Variants in HIRIP3 observed in about 807,000 individuals in gnomAD.
The protein encoded by HIRIP3 is HIRA interacting protein 3.
HIRIP3 carries 40 observed loss-of-function variants against 50.3 expected under a neutral mutation model. That is an observed-to-expected ratio of 0.79 (90% CI 0.62 to 1.03). The LOEUF (loss-of-function observed/expected upper bound fraction) is 1.03. Ranked by LOEUF, HIRIP3 falls within the 50% of genes least tolerant of loss-of-function variation. The probability of loss-of-function intolerance (pLI) is 0.00; values close to 1 mark genes in which losing one functional copy is unlikely to be tolerated. For synonymous variants in HIRIP3, 318 were observed against 261.6 expected (o/e 1.22, Z -2.08); for missense variants, 765 against 705.4 (o/e 1.08, Z -0.96).
At chr16:29,994,951 G>C in intron 3 of HIRIP3, 108 bp from the exon 4 acceptor site, 5 of 1,488,676 alleles carry the variant, frequency 3.4e-6, no homozygotes, top group Non-Finnish European at 4.5e-6. Context: ...AGGGGCAGCA[G>C]GAAACAGCTA....
chr16:29,995,360 C>A lies in HIRIP3; in HGVS notation c.169G>T (p.Glu57Ter). Residue 57 changes from glutamate (E) to a stop codon, truncating the protein, a stop_gained, in exon 2 of 7, where the codon GAG (glutamate) becomes TAG (stop). Transcript: ENST00000279392. LOFTEE classifies it high-confidence loss of function. ...KQALKRLVEE[E>*]LLKMQVDEAA... is the part of the protein sequence containing the mutation. ...CGGCACACCTGCATCTTCAGCAGCT[C>A]CTCCTCCACCAGCCGCTTCAGTGCC... 6.2e-7 allele frequency: 1 copy of A among 1,611,888 alleles called. No homozygotes were observed. The highest frequency in any genetic ancestry group is 8.5e-7 in the Non-Finnish European group (1 of 1,179,212).
rs1339797964 is a variant in HIRIP3 at position 29,994,482 on chromosome 16, C to T, written c.663G>A (p.Lys221=). ...CCTCTTCACTCTCCTGTTCACTTTC[C>T]TTCAGGCTTTTAGTTCCTTTATTTC... The part of the protein sequence containing the change: ...VEGNKGTKSL[K]ESEQESEEEI... Residue 221 remains lysine, a synonymous_variant, in exon 4 of 7, where the codon AAG becomes AAA. Coordinates refer to ENST00000279392, the MANE Select transcript of HIRIP3 (RefSeq NM_003609.5). 1 of 1,614,134 alleles carries T rather than the reference C, an allele frequency of 6.2e-7. No homozygotes were observed.
rs1431780119 is a variant in HIRIP3 at position 29,993,733 on chromosome 16, G to A, written c.1315C>T (p.His439Tyr). 1.2e-6 allele frequency: 2 copies of A among 1,609,166 alleles called. No individual in the cohort carries two copies. Among genetic ancestry groups the A allele is most frequent in the South Asian group, 1.1e-5 (1 of 91,084 alleles). Residue 439 changes from histidine to tyrosine, a missense_variant, in exon 5 of 7, where the codon CAT (histidine) becomes TAT (tyrosine). Physicochemically the swap from His to Tyr is moderately conservative, Grantham distance 83. Coordinates refer to ENST00000279392, the MANE Select transcript of HIRIP3 (RefSeq NM_003609.5). ...LKRYIRACGA[H>Y]RNYKKLLGSC... ...CCCAACAGCTTCTTGTAGTTTCGAT[G>A]GGCACCACAGGCCCGAATGTAGCGC...
In HIRIP3 at chr16:29,993,483, C is replaced by T. The variant is rs774022148; in HGVS notation, c.1483G>A (p.Val495Ile). The change falls in exon 6 of 7, where the codon GTT (valine) becomes ATT (isoleucine). Residue 495 changes from valine to isoleucine, a missense_variant. Transcript: ENST00000279392. ...CCCGAGCCACTGATGATGTTCGCAA[C>T]ATCCAAGGAGGCCACCTCAGCTGCC... Reference protein sequence around the residue: ...EEAAEVASLDVANIISGSGRP... With the variant: ...EEAAEVASLDIANIISGSGRP... 4.3e-6 allele frequency: 7 copies of T among 1,613,740 alleles called. No homozygotes were observed. Among genetic ancestry groups the T allele is most frequent in the South Asian group, 2.2e-5 (2 of 91,070 alleles).
rs747568307 is a variant in HIRIP3, at chr16:29,993,492, A to C, written c.1474T>G (p.Ser492Ala). 1 of 1,613,830 alleles carries C rather than the reference A, an allele frequency of 6.2e-7. No homozygotes were observed. Residue 492 changes from serine (S) to alanine (A), a missense_variant, in exon 6 of 7, where the codon TCC becomes GCC. Coordinates refer to ENST00000279392, the MANE Select transcript of HIRIP3 (RefSeq NM_003609.5). The stretch of plus-strand genomic sequence containing the variant: ...CTGATGATGTTCGCAACATCCAAGG[A>C]GGCCACCTCAGCTGCCTCCTCCCTC... Reference protein sequence around the residue: ...EQREEAAEVASLDVANIISGS... With the variant: ...EQREEAAEVAALDVANIISGS...
In HIRIP3 at chr16:29,993,089, G is replaced by T; in HGVS notation, c.*118C>A. ...GAGAAGTAGCATCCCAACAGCTTGT[G>T]TCCTTGGGAGCTGCAGTCTTCTCTG... On this transcript the variant is annotated 3_prime_UTR_variant, in exon 7 of 7. Transcript: ENST00000279392. 1.2e-6 allele frequency: 1 copy of T among 869,514 alleles called. No individual in the cohort carries two copies. Among genetic ancestry groups the T allele is most frequent in the Non-Finnish European group, 1.7e-6 (1 of 599,344 alleles). 53.9% of individuals were successfully genotyped at this position (869,514 alleles called of 1,614,324 possible).
At chr16:29,995,633 C>G, upstream of HIRIP3, 1 of 1,610,676 alleles carries the variant, frequency 6.2e-7, no homozygotes, top group Non-Finnish European at 8.5e-7. Flanking sequence ...TGACGGCTCC[C>G]GCCTTTTTTT....
chr16:29,995,615 C>A lies in HIRIP3; in HGVS notation c.-10G>T, dbSNP rs2070078680. ...CCTTCTCCCGCGCCATTTTGCTCAA[C>A]CCGGGATTGACGGCTCCCGCCTTTT... On this transcript the variant is annotated 5_prime_UTR_variant, in exon 1 of 7. Coordinates refer to ENST00000279392, the MANE Select transcript of HIRIP3 (RefSeq NM_003609.5). 6.2e-7 allele frequency: 1 copy of A among 1,612,092 alleles called. No homozygotes were observed. Among genetic ancestry groups the A allele is most frequent in the Non-Finnish European group, 8.5e-7 (1 of 1,179,962 alleles).
rs775777715 is a variant in HIRIP3, at chr16:29,993,323, G to A, written c.1555C>T (p.Pro519Ser). The A allele has an allele frequency of 5.6e-5, 86 of 1,540,296 alleles. No homozygotes were observed. The highest frequency in any genetic ancestry group is 7.3e-5 in the Non-Finnish European group (83 of 1,141,276). The change falls in exon 7 of 7, where the codon CCC becomes TCC. Residue 519 changes from proline to serine, a missense_variant. Pro to Ser is a moderately conservative substitution (Grantham distance 74, BLOSUM62 -1). Transcript: ENST00000279392. ...TAWNPLGEAA[P>S]PGELYRRTLD... ...GTCCGTCGGTACAGCTCCCCTGGGG[G>A]TGCTGCTTCTCCTAAAGGGTTCCAG...
upstream of HIRIP3, chr16:29,996,081 A>C: frequency 1.7e-6 from 1 of 601,496 alleles, no homozygotes; most frequent in Non-Finnish European, 3.0e-6. Flanking sequence ...TTGTGGCGTC[A>C]CCGCGTCGCT....
chr16:29,993,712 A>G lies in HIRIP3; in HGVS notation c.1336T>C (p.Leu446=), dbSNP rs1279020073. ...TCCTTGTGTGAGCAACAGGAGCCCA[A>G]CAGCTTCTTGTAGTTTCGATGGGCA... The part of the protein sequence containing the change: ...CGAHRNYKKL[L]GSCCSHKERL... Residue 446 remains leucine, a synonymous_variant, in exon 5 of 7, where the codon TTG becomes CTG. Transcript: ENST00000279392. 1.2e-6 allele frequency: 2 copies of G among 1,609,764 alleles called. No individual in the cohort carries two copies. Among genetic ancestry groups the G allele is most frequent in the South Asian group, 2.2e-5 (2 of 91,080 alleles).
chr16:29,995,597 C>G lies in HIRIP3; in HGVS notation c.9G>C (p.Arg3=), dbSNP rs747902326. Residue 3 remains arginine, a synonymous_variant, in exon 1 of 7, where the codon CGG becomes CGC. Coordinates refer to ENST00000279392, the MANE Select transcript of HIRIP3 (RefSeq NM_003609.5). MA[R]EKEMQEFTRS... is the part of the protein sequence containing the mutation. Reference sequence around the variant, plus strand: ...GGGTGAACTCCTGCATCTCCTTCTCCCGCGCCATTTTGCTCAACCCGGGAT... The same window carrying G: ...GGGTGAACTCCTGCATCTCCTTCTCGCGCGCCATTTTGCTCAACCCGGGAT... 6.2e-7 allele frequency: 1 copy of G among 1,612,284 alleles called. No homozygotes were observed. Among genetic ancestry groups the G allele is most frequent in the Non-Finnish European group, 8.5e-7 (1 of 1,180,016 alleles).
rs146278367 is a variant in HIRIP3, at chr16:29,993,282, T to C, written c.1596A>G (p.Glu532=). The change falls in exon 7 of 7, where the codon GAA becomes GAG. Residue 532 remains glutamate (E), a synonymous_variant. Coordinates refer to ENST00000279392, the MANE Select transcript of HIRIP3 (RefSeq NM_003609.5). The part of the protein sequence containing the change: ...ELYRRTLDSD[E]ERPRPAPPDW... The stretch of plus-strand genomic sequence containing the variant: ...CTGGGGGTGCGGGACGGGGCCGCTC[T>C]TCATCTGAGTCCAGGGTCCGTCGGT... The C allele has an allele frequency of 2.3e-5, 35 of 1,549,676 alleles. No homozygotes were observed. In the East Asian group the frequency reaches 7.5e-4, roughly 33 times the overall value.
rs1173962839 is a variant in HIRIP3, at chr16:29,993,382, G to A, written c.1508-12C>T. On this transcript the variant is annotated splice_polypyrimidine_tract_variant and intron_variant, in intron 6 of 6. Coordinates refer to ENST00000279392, the MANE Select transcript of HIRIP3 (RefSeq NM_003609.5). The stretch of plus-strand genomic sequence containing the variant: ...TCTGCGTGGCCGGCCTAGGGGAAAG[G>A]GGAAACGAGAGATCAGATGTCTGAG... The A allele has an allele frequency of 6.4e-7, 1 of 1,562,994 alleles. No individual in the cohort carries two copies. Among genetic ancestry groups the A allele is most frequent in the South Asian group, 1.2e-5 (1 of 84,568 alleles).
At position 29,994,213 on chromosome 16, in the gene HIRIP3, G is replaced by A. The variant is rs1204042103; in HGVS notation, c.932C>T (p.Pro311Leu). The change falls in exon 4 of 7, where the codon CCC (proline) becomes CTC (leucine). Residue 311 changes from proline (P) to leucine (L), a missense_variant. Pro to Leu is a moderately conservative substitution (Grantham distance 98, BLOSUM62 -3). Transcript: ENST00000279392. ...SGDDSGRDRE[P>L]PVQRKSEDRT... ...GTCCTCACTCTTCCTCTGCACTGGG[G>A]GTTCTCTATCTCTCCCACTGTCATC... The A allele has an allele frequency of 2.1e-5, 34 of 1,613,894 alleles. No individual in the cohort carries two copies. In the East Asian group the frequency reaches 7.6e-4, roughly 36 times the overall value.
rs1393858983 is a variant in HIRIP3, at chr16:29,992,360, G to A, written c.*847C>T. The A allele has an allele frequency of 6.6e-6, 1 of 152,230 alleles. No individual in the cohort carries two copies. The highest frequency in any genetic ancestry group is 1.5e-5 in the Non-Finnish European group (1 of 68,052). 9.4% of individuals were successfully genotyped at this position (152,230 alleles called of 1,614,324 possible). ...TTTTATAAAGAGAATTTATTGGGCT[G>A]TGTATCTAAACATTTCAGTGATTTT... On this transcript the variant is annotated 3_prime_UTR_variant, in exon 7 of 7. Coordinates refer to ENST00000279392, the MANE Select transcript of HIRIP3 (RefSeq NM_003609.5).
chr16:29,995,616 C>T lies in HIRIP3; in HGVS notation c.-11G>A. On this transcript the variant is annotated 5_prime_UTR_variant, in exon 1 of 7. Transcript: ENST00000279392. ...CTTCTCCCGCGCCATTTTGCTCAACCCGGGATTGACGGCTCCCGCCTTTTT... is the reference window on the plus strand; with the variant it reads ...CTTCTCCCGCGCCATTTTGCTCAACTCGGGATTGACGGCTCCCGCCTTTTT... 3 of 1,612,000 alleles carry T rather than the reference C, an allele frequency of 1.9e-6. No homozygotes were observed. The highest frequency in any genetic ancestry group is 2.5e-6 in the Non-Finnish European group (3 of 1,179,932).
Position 29,993,543 on chromosome 16 carries a change from C to G in HIRIP3, c.1423G>C (p.Gly475Arg). Residue 475 changes from glycine to arginine, a missense_variant, in exon 6 of 7, where the codon GGG becomes CGG. Gly to Arg is a moderately radical substitution (Grantham distance 125). Transcript: ENST00000279392. ...ALGMKGTPSL[G>R]KCRALKEQRE... ...TGCTCCTTCAGGGCCCGACACTTCC[C>G]TAGGGAAGGGGTACCTGGGGCAGAA... 1 of 1,613,730 alleles carries G rather than the reference C, an allele frequency of 6.2e-7. No individual in the cohort carries two copies.
Position 29,995,299 on chromosome 16 carries a change from G to C in HIRIP3, c.186+44C>G. The C allele has an allele frequency of 1.9e-6, 3 of 1,609,742 alleles. No homozygotes were observed. The South Asian group carries it at 3.3e-5, about 18-fold the overall frequency. On this transcript the variant is annotated intron_variant, in intron 2 of 6. Coordinates refer to ENST00000279392, the MANE Select transcript of HIRIP3 (RefSeq NM_003609.5). ...TCAGGCCCCTCCTCCTCAGCAGCAA[G>C]CCCCGCCTCCGCCTCCCGCGGCCCA...
Sources: gnomAD v4.1 joint callset for allele counts on GRCh38, gnomAD v4.1.1 for gene constraint, MANE v1.5 for transcripts, NCBI Gene and HGNC (gene_info 2026-07-23, HGNC 2026-07-21) for gene names.